The following RAB7A variants were observed in gnomAD, a reference collection of about 807,000 sequenced individuals.
RAB7A encodes ras-related protein Rab-7a.
A neutral mutation model predicts 24.5 loss-of-function variants in RAB7A; 2 were observed. The observed-to-expected ratio is 0.08, with a 90% confidence interval of 0.03 to 0.26. The LOEUF (loss-of-function observed/expected upper bound fraction) is 0.26. Ranked by LOEUF, RAB7A falls within the 10% of genes least tolerant of loss-of-function variation. RAB7A has a pLI of 1.00. For synonymous variants in RAB7A, 100 were observed against 95.9 expected (o/e 1.04, Z -0.25); for missense variants, 118 against 255.7 (o/e 0.46, Z 3.67).
At chr3:128,743,098 C>T (rs180890441) in intron 1 of RAB7A, among the ~76,000 whole-genome samples, 71 of 152,322 alleles carry the variant, frequency 4.7e-4, no homozygotes, top group Admixed American at 7.2e-4. Flanking sequence ...GGTGAGAATT[C>T]GAATGTGGCA....
At chr3:128,807,222 A>G (rs1933823274) in intron 4 of RAB7A, among the ~76,000 whole-genome samples, 1 of 152,232 alleles carries the variant, frequency 6.6e-6, no homozygotes, top group Non-Finnish European at 1.5e-5. Context: ...CTGAGGTCCC[A>G]GTAAACACTC....
At chr3:128,769,900 GT>G (rs1229807704) in intron 1 of RAB7A, among the ~76,000 whole-genome samples, 1 of 152,020 alleles carries the variant, frequency 6.6e-6, no homozygotes, top group East Asian at 1.9e-4. Context: ...AAAGCAGAGG[GT>G]AGTTCCTTAT....
chr3:128,731,851 T>C (rs1241663707), intron 1 of RAB7A, among the ~76,000 whole-genome samples: 3 of 151,544 alleles, frequency 2.0e-5, no homozygotes, highest in Non-Finnish European at 4.4e-5. Context: ...ACTAAAAATA[T>C]AAAAATTAGC....
chr3:128,775,061 C>G (rs1019721779), intron 1 of RAB7A, among the ~76,000 whole-genome samples: 1 of 152,186 alleles, frequency 6.6e-6, no homozygotes, highest in Non-Finnish European at 1.5e-5. Flanking sequence ...GGATTACAGG[C>G]GTGAGCCACT....
At chr3:128,776,753 T>A (rs542160764) in intron 1 of RAB7A, among the ~76,000 whole-genome samples, 3 of 152,342 alleles carry the variant, frequency 2.0e-5, no homozygotes, top group East Asian at 3.9e-4. Context: ...CTATTTTTAA[T>A]ACTTTCAGCA....
At chr3:128,787,949 A>G (rs536488911) in intron 1 of RAB7A, among the ~76,000 whole-genome samples, 42 of 152,336 alleles carry the variant, frequency 2.8e-4, no homozygotes, top group African/African-American at 8.9e-4. Context: ...CCTGGCCTTA[A>G]GCAGTCTTCC....
intron 1 of RAB7A, among the ~76,000 whole-genome samples, chr3:128,739,236 G>C (rs986118129): frequency 6.6e-6 from 1 of 152,214 alleles, no homozygotes; most frequent in Non-Finnish European, 1.5e-5. Flanking sequence ...CGGGCCGGGA[G>C]TGGTGGCTCA....
At chr3:128,773,566 C>A (rs913716107) in intron 1 of RAB7A, among the ~76,000 whole-genome samples, 3 of 152,176 alleles carry the variant, frequency 2.0e-5, no homozygotes, top group Admixed American at 1.3e-4. Flanking sequence ...CCCCTCTGCC[C>A]GGCCACCACC....
intron 5 of RAB7A, among the ~76,000 whole-genome samples, chr3:128,811,136 T>A (rs184875033): frequency 1.9e-4 from 29 of 152,240 alleles, no homozygotes; most frequent in African/African-American, 6.7e-4. Flanking sequence ...TTGATTCTTT[T>A]TTTTTTTAGA....
intron 1 of RAB7A, among the ~76,000 whole-genome samples, chr3:128,735,270 G>A (rs2070479963): frequency 6.6e-6 from 1 of 152,208 alleles, no homozygotes; most frequent in South Asian, 2.1e-4. Flanking sequence ...TAGTTGGAAA[G>A]AATGGCATAA....
chr3:128,786,982 A>G (rs1377857682), intron 1 of RAB7A, among the ~76,000 whole-genome samples: 1 of 152,254 alleles, frequency 6.6e-6, no homozygotes, highest in Non-Finnish European at 1.5e-5. Flanking sequence ...ATGCAAAGTT[A>G]TACATGGTAT....
chr3:128,765,097 G>T (rs556394979), intron 1 of RAB7A: 3 of 792,812 alleles, frequency 3.8e-6, no homozygotes, highest in African/African-American at 1.7e-5. Flanking sequence ...GTCCGAGGGT[G>T]CAGTGAAGAG....
chr3:128,732,394 TA>T (rs565669531), intron 1 of RAB7A, among the ~76,000 whole-genome samples: 4,056 of 143,512 alleles, frequency 0.028, 83 homozygotes, highest in Non-Finnish European at 0.045. Context: ...ACTATTCAGT[TA>T]AAAAAAAAAA....
At chr3:128,792,261 A>G (rs1182015975) in intron 1 of RAB7A, among the ~76,000 whole-genome samples, 1 of 152,106 alleles carries the variant, frequency 6.6e-6, no homozygotes, top group Non-Finnish European at 1.5e-5. Context: ...TTTCTTTTTA[A>G]TATTATTAAA....
At chr3:128,734,051 A>G (rs1454901789) in intron 1 of RAB7A, among the ~76,000 whole-genome samples, 1 of 152,136 alleles carries the variant, frequency 6.6e-6, no homozygotes, top group Non-Finnish European at 1.5e-5. Context: ...GGGAACCTCA[A>G]GGGACTGGGG....
intron 1 of RAB7A, among the ~76,000 whole-genome samples, chr3:128,728,907 G>C (rs2070406892): frequency 6.6e-6 from 1 of 152,124 alleles, no homozygotes; most frequent in African/African-American, 2.4e-5. Flanking sequence ...ATGTAGCACT[G>C]ATAGTGTACT....
At chr3:128,809,587 A>G (rs981477495) in intron 5 of RAB7A, among the ~76,000 whole-genome samples, 5 of 152,314 alleles carry the variant, frequency 3.3e-5, no homozygotes, top group South Asian at 4.1e-4. Flanking sequence ...TCCTTTGAAC[A>G]TAGGGAAAAA....
In RAB7A at chr3:128,813,560, AAC is replaced by A. The variant is rs1933973664; in HGVS notation, c.*142_*143del. 7.9e-6 allele frequency: 6 copies of A among 759,250 alleles called. No homozygotes were observed. The highest frequency in any genetic ancestry group is 5.2e-5 in the African/African-American group (3 of 57,970). 47.0% of individuals were successfully genotyped at this position (759,250 alleles called of 1,614,324 possible). A position where few individuals can be genotyped will look rare whatever the true frequency, so the allele number is the denominator to read the frequency against. On this transcript the variant is annotated 3_prime_UTR_variant, in exon 6 of 6. Transcript: ENST00000265062. ...CAGCTGCCAAAAGAAAACCCCATCA[AAC>A]ACAGTTACACCCCACATATCTCTCA...
At chr3:128,798,820 T>TAA (rs150137763) in intron 3 of RAB7A, 5,654 of 167,388 alleles carry the variant, frequency 0.034, 401 homozygotes, top group African/African-American at 0.19. Flanking sequence ...GTCTCTAAAT[T>TAA]TAAAAAAAAA....
Sources: gnomAD v4.1 joint callset for allele counts (sites outside exome capture counted in the v4.1 genomes callset) on GRCh38, gnomAD v4.1.1 for gene constraint, MANE v1.5 for transcripts, NCBI Gene and HGNC (gene_info 2026-07-23, HGNC 2026-07-21) for gene names.